The following GABRG3 variants were observed in gnomAD, a reference collection of about 807,000 sequenced individuals.
The protein encoded by GABRG3 is gamma-aminobutyric acid type A receptor subunit gamma3, also known as gamma-aminobutyric acid receptor subunit gamma-3.
In GABRG3, 25 loss-of-function variants were observed where a neutral mutation model predicts 48.8. The observed-to-expected ratio is 0.51, with a 90% CI of 0.37 to 0.72. The LOEUF (loss-of-function observed/expected upper bound fraction) is 0.72, where lower values mean the gene tolerates loss of function less well. GABRG3 is among the 30% of genes least tolerant of loss of function. GABRG3 has a pLI of 0.00. For synonymous variants in GABRG3, 227 were observed against 217.6 expected, an observed-to-expected ratio of 1.04 and a Z score of -0.38; for missense variants, 394 against 577.9, an observed-to-expected ratio of 0.68 and a Z score of 3.26.
intron 3 of GABRG3, among the ~76,000 whole-genome samples, chr15:27,315,718 C>T (rs1893190049): frequency 2.0e-5 from 3 of 152,128 alleles, no homozygotes; most frequent in Admixed American, 1.3e-4. Context: ...TTGGTAACAC[C>T]ATTTTTATAA....
chr15:27,038,972 A>G (rs1211961699), intron 3 of GABRG3, among the ~76,000 whole-genome samples: 1 of 152,212 alleles, frequency 6.6e-6, no homozygotes, highest in Non-Finnish European at 1.5e-5. Flanking sequence ...GCCAGCAGAA[A>G]TCAAATCAGT....
chr15:27,273,589 G>A (rs1188270863), intron 3 of GABRG3, among the ~76,000 whole-genome samples: 2 of 152,212 alleles, frequency 1.3e-5, no homozygotes, highest in African/African-American at 4.8e-5. Context: ...CAGTCCACTG[G>A]CAAGAAATGG....
chr15:27,455,591 ATG>A (rs1889246941), intron 5 of GABRG3, among the ~76,000 whole-genome samples: 1 of 134,104 alleles, frequency 7.5e-6, no homozygotes, highest in Non-Finnish European at 1.6e-5. Context: ...TATGTGTGCT[ATG>A]TGTGTGTGCA....
intron 6 of GABRG3, among the ~76,000 whole-genome samples, chr15:27,514,157 G>A (rs761943377): frequency 1.3e-5 from 2 of 152,196 alleles, no homozygotes; most frequent in Admixed American, 6.5e-5. Flanking sequence ...AGGCATCCAT[G>A]GAGAAGAATA....
chr15:27,052,289 TG>T (rs557550978), intron 3 of GABRG3, among the ~76,000 whole-genome samples: 1 of 152,022 alleles, frequency 6.6e-6, no homozygotes, highest in South Asian at 2.1e-4. Flanking sequence ...CTGATCACCT[TG>T]GGGGGGTGCT....
At chr15:27,361,668 G>A (rs1023149082) in intron 5 of GABRG3, among the ~76,000 whole-genome samples, 1 of 152,166 alleles carries the variant, frequency 6.6e-6, no homozygotes, top group East Asian at 1.9e-4. Flanking sequence ...CATTTAATGA[G>A]GGTGGGTGGT....
intron 5 of GABRG3, among the ~76,000 whole-genome samples, chr15:27,351,734 G>A (rs531905875): frequency 6.7e-6 from 1 of 149,792 alleles, no homozygotes; most frequent in Admixed American, 6.6e-5. Flanking sequence ...GTATATATAT[G>A]TGTGTATGTA....
intron 9 of GABRG3, among the ~76,000 whole-genome samples, chr15:27,529,783 G>C (rs1486363215): frequency 4.0e-5 from 6 of 151,634 alleles, no homozygotes; most frequent in Non-Finnish European, 7.4e-5. Flanking sequence ...TTGAAAGAAG[G>C]AGAGAAACAT....
intron 3 of GABRG3, among the ~76,000 whole-genome samples, chr15:27,229,483 G>A (rs557659964): frequency 2.0e-5 from 3 of 151,436 alleles, no homozygotes; most frequent in East Asian, 3.9e-4. Flanking sequence ...GTTGTTGTTT[G>A]TTTGTTTTTT....
intron 3 of GABRG3, among the ~76,000 whole-genome samples, chr15:27,246,232 TTCTC>T (rs1356681480): frequency 1.3e-5 from 2 of 152,170 alleles, no homozygotes; most frequent in African/African-American, 4.8e-5. Flanking sequence ...TGCAGTCTCT[TTCTC>T]TCTTTCTTTT....
At chr15:27,263,428 A>G (rs1314953108) in intron 3 of GABRG3, among the ~76,000 whole-genome samples, 1 of 152,142 alleles carries the variant, frequency 6.6e-6, no homozygotes, top group Non-Finnish European at 1.5e-5. Context: ...GACTGATACT[A>G]GGATATTTCC....
chr15:27,411,422 A>G (rs1262422129), intron 5 of GABRG3, among the ~76,000 whole-genome samples: 1 of 152,148 alleles, frequency 6.6e-6, no homozygotes, highest in African/African-American at 2.4e-5. Flanking sequence ...CAAGGCTGTC[A>G]CAGAAATGAG....
chr15:27,164,535 A>G (rs1247470696), intron 3 of GABRG3, among the ~76,000 whole-genome samples: 7 of 152,100 alleles, frequency 4.6e-5, no homozygotes, highest in Admixed American at 4.6e-4. Flanking sequence ...TCCAGGAATC[A>G]AAGCTTCACC....
At chr15:27,383,724 G>A (rs1895844803) in intron 5 of GABRG3, among the ~76,000 whole-genome samples, 1 of 152,148 alleles carries the variant, frequency 6.6e-6, no homozygotes, top group South Asian at 2.1e-4. Context: ...TGAGTGTGAA[G>A]CATAATACAA....
intron 3 of GABRG3, among the ~76,000 whole-genome samples, chr15:27,178,081 T>G (rs1393335687): frequency 6.6e-6 from 1 of 152,190 alleles, no homozygotes; most frequent in African/African-American, 2.4e-5. Context: ...TGGAGGATTC[T>G]TGTCAATACT....
intron 5 of GABRG3, among the ~76,000 whole-genome samples, chr15:27,338,592 G>A (rs918358068): frequency 5.3e-5 from 8 of 152,120 alleles, no homozygotes; most frequent in African/African-American, 1.7e-4. Context: ...TCCATGCATC[G>A]CAGGAGGACC....
chr15:27,355,005 C>G (rs1177229707), intron 5 of GABRG3, among the ~76,000 whole-genome samples: 1 of 152,170 alleles, frequency 6.6e-6, no homozygotes, highest in Non-Finnish European at 1.5e-5. Flanking sequence ...AAGGAGAGAG[C>G]TCTGCCAATA....
chr15:27,442,718 C>T (rs557330323), intron 5 of GABRG3, among the ~76,000 whole-genome samples: 49 of 152,252 alleles, frequency 3.2e-4, no homozygotes, highest in African/African-American at 1.0e-3. Context: ...GTTATTTTTT[C>T]GACTTTTTCT....
At chr15:27,383,415 T>C (rs1241204873) in intron 5 of GABRG3, among the ~76,000 whole-genome samples, 1 of 152,214 alleles carries the variant, frequency 6.6e-6, no homozygotes, top group African/African-American at 2.4e-5. Context: ...ACTAGGAGAC[T>C]GCACGTCTAG....
Sources: gnomAD v4.1 joint callset for allele counts (sites outside exome capture counted in the v4.1 genomes callset) on GRCh38, gnomAD v4.1.1 for gene constraint, MANE v1.5 for transcripts, NCBI Gene and HGNC (gene_info 2026-07-23, HGNC 2026-07-21) for gene names.